The following LPAR1 variants were observed in gnomAD, a reference collection of about 807,000 sequenced individuals.
LPAR1 encodes LPA receptor 1.
LPAR1 carries 5 observed loss-of-function variants against 23.8 expected under a neutral mutation model. The observed-to-expected ratio is 0.21, with a 90% CI of 0.11 to 0.44. The LOEUF is 0.44. LPAR1 is among the 20% of genes least tolerant of loss of function. The pLI, the probability that LPAR1 is intolerant of heterozygous loss-of-function variation, is 0.99. For synonymous variants in LPAR1, 160 were observed against 164.7 expected (o/e 0.97, Z 0.22); for missense variants, 311 against 482.8 (o/e 0.64, Z 3.33).
chr9:111,028,346 G>A (rs1230804622), intron 2 of LPAR1, among the ~76,000 whole-genome samples: 1 of 152,178 alleles, frequency 6.6e-6, no homozygotes, highest in African/African-American at 2.4e-5. Flanking sequence ...GCCTCCCAAA[G>A]TGATGGGATT....
intron 2 of LPAR1, among the ~76,000 whole-genome samples, chr9:110,987,915 G>A (rs1339316332): frequency 6.6e-6 from 1 of 151,232 alleles, no homozygotes; most frequent in East Asian, 1.9e-4. Context: ...ATGAGCACAG[G>A]AAACAAAGAA....
intron 5 of LPAR1, among the ~76,000 whole-genome samples, chr9:110,918,228 T>C (rs908435102): frequency 1.3e-5 from 2 of 152,106 alleles, no homozygotes; most frequent in Non-Finnish European, 1.5e-5. Context: ...CAAATCCTTT[T>C]TTAAATAAAA....
At chr9:110,883,353 A>T (rs2081387655) in intron 5 of LPAR1, among the ~76,000 whole-genome samples, 1 of 152,198 alleles carries the variant, frequency 6.6e-6, no homozygotes, top group Non-Finnish European at 1.5e-5. Flanking sequence ...TGAATTTTTT[A>T]AAGTACGTTT....
chr9:110,941,866 C>T lies in LPAR1; in HGVS notation c.348G>A (p.Leu116=), dbSNP rs748922652. 1 of 1,614,198 alleles carries T rather than the reference C, an allele frequency of 6.2e-7. No individual in the cohort carries two copies. The highest frequency in any genetic ancestry group is 1.1e-5 in the South Asian group (1 of 91,078). ...MFNTGPNTRR[L]TVSTWLLRQG... The stretch of plus-strand genomic sequence containing the variant: ...GACGAAGGAGCCATGTGCTAACAGT[C>T]AGTCTCCGAGTATTGGGTCCTGTGT... The change falls in exon 5 of 6, where the codon CTG becomes CTA. Residue 116 remains leucine, a synonymous_variant. Coordinates refer to ENST00000683809, the MANE Select transcript of LPAR1 (RefSeq NM_001351411.2). The surrounding 1 kb of genome is among the most constrained non-coding windows in gnomAD (Gnocchi z 6.1).
chr9:110,897,126 T>A (rs1564399798), intron 5 of LPAR1, among the ~76,000 whole-genome samples: 1 of 152,172 alleles, frequency 6.6e-6, no homozygotes, highest in Non-Finnish European at 1.5e-5. Context: ...CCTGCCTTCC[T>A]ACCTGACATA....
chr9:110,961,364 T>C (rs894474183), intron 4 of LPAR1, among the ~76,000 whole-genome samples: 2 of 151,522 alleles, frequency 1.3e-5, no homozygotes, highest in Admixed American at 6.6e-5. Flanking sequence ...CTCACACCTG[T>C]AATCCCAGCA....
At chr9:110,890,807 T>A (rs2083905755) in intron 5 of LPAR1, among the ~76,000 whole-genome samples, 1 of 152,226 alleles carries the variant, frequency 6.6e-6, no homozygotes, top group Non-Finnish European at 1.5e-5. Context: ...TTCACCACAC[T>A]ATTAAGAAAA....
chr9:110,903,192 T>C (rs972573844), intron 5 of LPAR1: 5 of 152,030 alleles, frequency 3.3e-5, no homozygotes, highest in Non-Finnish European at 5.9e-5. Flanking sequence ...AACCCAGAGA[T>C]GAAACAGAAG....
At chr9:110,899,735 C>T (rs1333918193) in intron 5 of LPAR1, among the ~76,000 whole-genome samples, 1 of 152,194 alleles carries the variant, frequency 6.6e-6, no homozygotes, top group African/African-American at 2.4e-5. Context: ...TGTTACTCAT[C>T]CATGTACAGC....
chr9:110,888,047 T>A (rs905409264), intron 5 of LPAR1, among the ~76,000 whole-genome samples: 1 of 152,222 alleles, frequency 6.6e-6, no homozygotes, highest in Non-Finnish European at 1.5e-5. Flanking sequence ...GCTTTACTGA[T>A]ACCAAGTCAT....
intron 2 of LPAR1, among the ~76,000 whole-genome samples, chr9:110,996,826 T>C (rs983643106): frequency 6.6e-6 from 1 of 152,180 alleles, no homozygotes; most frequent in African/African-American, 2.4e-5. Flanking sequence ...CCAGTTTCTT[T>C]TGGTGGTAGC....
intron 2 of LPAR1, among the ~76,000 whole-genome samples, chr9:110,978,749 C>T (rs1466556729): frequency 6.6e-6 from 1 of 152,170 alleles, no homozygotes; most frequent in Admixed American, 6.6e-5. Context: ...AAAGATTTTT[C>T]TCTCTGGAAT....
intron 5 of LPAR1, among the ~76,000 whole-genome samples, chr9:110,880,569 T>C (rs1260021378): frequency 6.6e-6 from 1 of 152,234 alleles, no homozygotes; most frequent in African/African-American, 2.4e-5. Context: ...AAAGCGTTTC[T>C]AGTCTGGCTG....
intron 5 of LPAR1, among the ~76,000 whole-genome samples, chr9:110,930,618 C>G (rs943971645): frequency 6.6e-6 from 1 of 152,040 alleles, no homozygotes. Flanking sequence ...AAATTGCTAT[C>G]TCTAGTCAAT....
intron 4 of LPAR1, among the ~76,000 whole-genome samples, chr9:110,950,706 T>C (rs1280656106): frequency 6.6e-6 from 1 of 152,166 alleles, no homozygotes; most frequent in Non-Finnish European, 1.5e-5. Context: ...AGCTCTAACG[T>C]ATCTAGGAAT....
chr9:110,973,274 G>A (rs1200178768), intron 3 of LPAR1, among the ~76,000 whole-genome samples: 1 of 152,100 alleles, frequency 6.6e-6, no homozygotes, highest in African/African-American at 2.4e-5. Context: ...ATAGCACCCC[G>A]TCCAACCCCA....
rs375837084 is a variant in LPAR1 at position 110,941,767 on chromosome 9, C to T, written c.447G>A (p.Thr149=). 3.4e-5 allele frequency: 55 copies of T among 1,614,034 alleles called. No individual in the cohort carries two copies. The highest frequency in any genetic ancestry group is 8.3e-5 in the Admixed American group (5 of 59,990). Residue 149 remains threonine (T), a synonymous_variant, in exon 5 of 6, where the codon ACG becomes ACA. Transcript: ENST00000683809. This position sits in a 1 kb window ranked among gnomAD's most constrained non-coding sequence, Gnocchi z 6.1. ...LLAIAIERHI[T]VFRMQLHTRM... is the part of the protein sequence containing the mutation. ...GTGTGTGGAGCTGCATGCGGAAAACCGTAATGTGCCTCTCGATTGCAATAG... is the reference window on the plus strand; with the variant it reads ...GTGTGTGGAGCTGCATGCGGAAAACTGTAATGTGCCTCTCGATTGCAATAG...
chr9:110,976,477 C>G (rs2096557994), intron 2 of LPAR1, among the ~76,000 whole-genome samples: 1 of 152,184 alleles, frequency 6.6e-6, no homozygotes, highest in South Asian at 2.1e-4. Context: ...TGCACTCCAG[C>G]CTGGGCAACA....
At chr9:110,879,417 C>CAAAA (rs71371692) in intron 5 of LPAR1, among the ~76,000 whole-genome samples, 5,383 of 47,178 alleles carry the variant, frequency 0.11, 482 homozygotes, top group East Asian at 0.18. Flanking sequence ...GACTCCATCT[C>CAAAA]AAAAAAAAAA....
Sources: gnomAD v4.1 joint callset for allele counts (sites outside exome capture counted in the v4.1 genomes callset) on GRCh38, gnomAD v4.1.1 for gene constraint, Gnocchi (gnomAD v3.1) non-coding constraint, MANE v1.5 for transcripts, NCBI Gene and HGNC (gene_info 2026-07-23, HGNC 2026-07-21) for gene names.